CSMD3: variants seen among roughly 807,000 people sequenced by gnomAD.
CSMD3 encodes CUB and Sushi multiple domains 3, also known as CUB and sushi domain-containing protein 3.
A neutral mutation model predicts 435.2 loss-of-function variants in CSMD3; 177 were observed. The ratio of observed to expected loss-of-function variants is 0.41; its 90% CI spans 0.36 to 0.46. CSMD3 has a LOEUF of 0.46. Ranked by LOEUF, CSMD3 falls within the 20% of genes least tolerant of loss-of-function variation. The probability of loss-of-function intolerance (pLI) is 0.34; values close to 1 mark genes in which losing one functional copy is unlikely to be tolerated. For missense variants in CSMD3, 4,265 were observed against 4,504.6 expected (o/e 0.95, Z 1.52); for synonymous variants, 1,656 against 1,520.5 (o/e 1.09, Z -2.07).
intron 3 of CSMD3, among the ~76,000 whole-genome samples, chr8:113,254,758 A>T (rs1018430231): frequency 2.0e-5 from 3 of 152,168 alleles, no homozygotes; most frequent in African/African-American, 7.2e-5. Context: ...TAAAAATAAA[A>T]ATTGTTGGAA....
intron 51 of CSMD3, among the ~76,000 whole-genome samples, chr8:112,305,796 A>T (rs1821363458): frequency 6.6e-6 from 1 of 152,128 alleles, no homozygotes; most frequent in Non-Finnish European, 1.5e-5. Flanking sequence ...TTTTGACATA[A>T]ATATTCTGAG....
chr8:112,391,783 T>A (rs1458952407), intron 35 of CSMD3, among the ~76,000 whole-genome samples: 2 of 151,968 alleles, frequency 1.3e-5, no homozygotes, highest in Non-Finnish European at 2.9e-5. Context: ...CTTGAAGTGG[T>A]CCCAGTTTAG....
At chr8:112,347,706 AAGTT>A (rs1276498568) in intron 40 of CSMD3, among the ~76,000 whole-genome samples, 1 of 152,198 alleles carries the variant, frequency 6.6e-6, no homozygotes, top group Non-Finnish European at 1.5e-5. Context: ...ATTTTCAATG[AAGTT>A]AGTATTTACC....
intron 9 of CSMD3, among the ~76,000 whole-genome samples, chr8:112,947,241 T>C (rs1186780869): frequency 6.6e-6 from 1 of 151,778 alleles, no homozygotes; most frequent in Non-Finnish European, 1.5e-5. Context: ...GTATACTATG[T>C]AAATTCTCTA....
At position 112,844,767 on chromosome 8, in the gene CSMD3, CAT is replaced by C. The variant is rs1405111914; in HGVS notation, c.1755+14376_1755+14377del. On this transcript the variant is annotated intron_variant, in intron 11 of 70. Transcript: ENST00000297405. ...TCTGTCACTGACATCCAAACCTAAT[CAT>C]AATTGAAAAGCCTGTGCATCTCGGT... Among the ~76,000 whole-genome samples the C allele has an allele frequency of 3.9e-5, 6 of 152,008 alleles. No individual in the cohort carries two copies. The East Asian group carries it at 9.7e-4, about 25-fold the overall frequency.
At chr8:113,393,498 C>G (rs1016565782) in intron 1 of CSMD3, among the ~76,000 whole-genome samples, 1 of 151,958 alleles carries the variant, frequency 6.6e-6, no homozygotes, top group Non-Finnish European at 1.5e-5. Context: ...GATAAGGTAC[C>G]TGCCATTTCC....
chr8:112,445,391 G>C (rs1815486126), intron 32 of CSMD3, among the ~76,000 whole-genome samples: 1 of 152,148 alleles, frequency 6.6e-6, no homozygotes, highest in African/African-American at 2.4e-5. Flanking sequence ...AGGCTGTACA[G>C]GATACATGGC....
At chr8:112,820,198 C>T (rs929612574) in intron 12 of CSMD3, among the ~76,000 whole-genome samples, 1 of 151,954 alleles carries the variant, frequency 6.6e-6, no homozygotes, top group African/African-American at 2.4e-5. Context: ...AGAAGTCTGA[C>T]AAAACCAATA....
intron 32 of CSMD3, among the ~76,000 whole-genome samples, chr8:112,444,681 C>A (rs889262151): frequency 1.3e-5 from 2 of 152,130 alleles, no homozygotes; most frequent in African/African-American, 2.4e-5. Flanking sequence ...AGAATAAAAT[C>A]ACAACTGTGC....
At chr8:113,204,900 C>T (rs1036296785) in intron 3 of CSMD3, among the ~76,000 whole-genome samples, 2 of 151,928 alleles carry the variant, frequency 1.3e-5, no homozygotes, top group African/African-American at 2.4e-5. Flanking sequence ...AGAAGCCTCA[C>T]ATTCATGGCA....
At chr8:112,514,867 G>C (rs939376286) in intron 28 of CSMD3, among the ~76,000 whole-genome samples, 2 of 151,948 alleles carry the variant, frequency 1.3e-5, no homozygotes, top group African/African-American at 4.8e-5. Flanking sequence ...TAGAGGTCAA[G>C]CATTCTGCAG....
intron 13 of CSMD3, among the ~76,000 whole-genome samples, chr8:112,697,702 G>T (rs539289375): frequency 6.6e-6 from 1 of 151,872 alleles, no homozygotes; most frequent in Non-Finnish European, 1.5e-5. Context: ...CAAACGTTGT[G>T]CACATGTACC....
At chr8:112,728,699 T>C (rs2132001738) in intron 13 of CSMD3, among the ~76,000 whole-genome samples, 1 of 152,154 alleles carries the variant, frequency 6.6e-6, no homozygotes, top group East Asian at 1.9e-4. Flanking sequence ...CTGAACTCCA[T>C]TGAGGAATGG....
chr8:112,787,275 T>C (rs1716627377), intron 13 of CSMD3, among the ~76,000 whole-genome samples: 1 of 152,142 alleles, frequency 6.6e-6, no homozygotes, highest in African/African-American at 2.4e-5. Flanking sequence ...GGTCAAATGA[T>C]ATAAAAATGA....
At position 112,370,002 on chromosome 8, in the gene CSMD3, A is replaced by G. The variant is rs867910896; in HGVS notation, c.6136+10350T>C. Among the ~76,000 whole-genome samples the G allele has an allele frequency of 1.3e-3, 142 of 113,220 alleles. 2 individuals are homozygous for G. The highest frequency in any genetic ancestry group is 4.4e-3 in the African/African-American group (136 of 31,240). The allele number at this position is 113,220 out of a possible 152,430, so 74.3% of individuals were successfully genotyped here. A position where few individuals can be genotyped will look rare whatever the true frequency, so the allele number is the denominator to read the frequency against. ...AAGAGAAAGAGGAAGAGGAAGAAGA[A>G]GAGGAAGAGGAAGAAGAAGAGGAAG... On this transcript the variant is annotated intron_variant, in intron 38 of 70. Transcript: ENST00000297405.
chr8:112,317,813 T>A (rs747871826), intron 47 of CSMD3, among the ~76,000 whole-genome samples: 21 of 151,976 alleles, frequency 1.4e-4, no homozygotes, highest in Non-Finnish European at 3.1e-4. Context: ...TAAAACCCCA[T>A]AATAATCAGA....
At chr8:113,346,921 T>G (rs1212180089) in intron 1 of CSMD3, among the ~76,000 whole-genome samples, 1 of 152,070 alleles carries the variant, frequency 6.6e-6, no homozygotes, top group Non-Finnish European at 1.5e-5. Flanking sequence ...TTAAACTTGT[T>G]TTTTCATCAA....
chr8:113,381,701 A>G (rs1362720757), intron 1 of CSMD3, among the ~76,000 whole-genome samples: 1 of 152,146 alleles, frequency 6.6e-6, no homozygotes, highest in African/African-American at 2.4e-5. Context: ...CATTAATAAG[A>G]TAATCAAATG....
rs2093467519 is a variant in CSMD3 at position 113,265,996 on chromosome 8, C to A, written c.514+12596G>T. 2.0e-5 allele frequency among the ~76,000 whole-genome samples: 3 copies of A among 151,320 alleles called. No homozygotes were observed. The South Asian group carries it at 6.2e-4, about 31-fold the overall frequency. On this transcript the variant is annotated intron_variant, in intron 3 of 70. Coordinates refer to ENST00000297405, the MANE Select transcript of CSMD3 (RefSeq NM_198123.2). The stretch of plus-strand genomic sequence containing the variant: ...TCCATTAACTTTTTATGAACCTAAC[C>A]TAAATTTATTCCTAGCAAACTGTTT...
Sources: allele counts gnomAD v4.1 joint callset (sites outside exome capture counted in the v4.1 genomes callset), GRCh38; gene constraint gnomAD v4.1.1; transcripts MANE v1.5; gene names NCBI Gene and HGNC (gene_info 2026-07-23, HGNC 2026-07-21).